Variants in ECPAS observed in about 807,000 individuals in gnomAD.
The protein encoded by ECPAS is proteasome adapter and scaffold protein ECM29.
A neutral mutation model predicts 255.1 loss-of-function variants in ECPAS; 70 were observed. The observed-to-expected ratio is 0.27, with a 90% CI of 0.23 to 0.33. The LOEUF is 0.33. Ranked by LOEUF, ECPAS falls within the 10% of genes least tolerant of loss-of-function variation. The pLI is 1.00. For synonymous variants in ECPAS, 784 were observed against 775.0 expected (o/e 1.01, Z -0.19); for missense variants, 1,817 against 2,206.4 (o/e 0.82, Z 3.54).
intron 10 of ECPAS, among the ~76,000 whole-genome samples, chr9:111,426,588 G>A (rs1219810397): frequency 6.6e-6 from 1 of 151,838 alleles, no homozygotes. Context: ...AAGCATGGTG[G>A]CTCACACCTA....
At chr9:111,362,570 T>C (rs1239553544) in intron 49 of ECPAS, among the ~76,000 whole-genome samples, 3 of 152,102 alleles carry the variant, frequency 2.0e-5, no homozygotes, top group African/African-American at 7.2e-5. Context: ...AAAAAACTTC[T>C]AAGAAATGTC....
intron 9 of ECPAS, among the ~76,000 whole-genome samples, chr9:111,429,341 T>C (rs2098226439): frequency 6.6e-6 from 1 of 152,104 alleles, no homozygotes; most frequent in South Asian, 2.1e-4. Context: ...TGATATGTGG[T>C]AGGAACCTAG....
intron 2 of ECPAS, 65 bp downstream of exon 2, chr9:111,472,832 C>T: frequency 2.3e-6 from 1 of 431,204 alleles, no homozygotes; most frequent in Non-Finnish European, 3.9e-6. Flanking sequence ...TACCTGATAA[C>T]CTATGCATTT....
intron 2 of ECPAS, 31 bp downstream of exon 2, chr9:111,472,866 G>GCA (rs1384144089): frequency 1.3e-6 from 1 of 794,644 alleles, no homozygotes; most frequent in African/African-American, 1.9e-5. Context: ...CAAAAAAAAT[G>GCA]CACACATCCT....
At chr9:111,397,590 A>G (rs2098169571) in intron 24 of ECPAS, among the ~76,000 whole-genome samples, 1 of 152,236 alleles carries the variant, frequency 6.6e-6, no homozygotes, top group Non-Finnish European at 1.5e-5. Flanking sequence ...CGTCATCCAC[A>G]GCATTAGGCT....
At chr9:111,387,371 G>C (rs1234327998) in intron 31 of ECPAS, among the ~76,000 whole-genome samples, 1 of 152,096 alleles carries the variant, frequency 6.6e-6, no homozygotes, top group Non-Finnish European at 1.5e-5. Flanking sequence ...TGCAGTTATT[G>C]AGGGACAGAG....
In ECPAS at chr9:111,447,832, C is replaced by T. The variant is rs566012188; in HGVS notation, c.154-3338G>A. ...TTTTTAAAGTTATAATAGAAAGATACATTTATAATAATAAATCAAGTGGAA... is the reference window on the plus strand; with the variant it reads ...TTTTTAAAGTTATAATAGAAAGATATATTTATAATAATAAATCAAGTGGAA... On this transcript the variant is annotated intron_variant, in intron 3 of 49. Transcript: ENST00000684092. Among the ~76,000 whole-genome samples the T allele has an allele frequency of 5.9e-5, 9 of 152,090 alleles. No homozygotes were observed. The South Asian group carries it at 1.7e-3, about 28-fold the overall frequency.
chr9:111,379,108 A>C (rs2098137249), intron 35 of ECPAS, among the ~76,000 whole-genome samples: 1 of 152,192 alleles, frequency 6.6e-6, no homozygotes, highest in African/African-American at 2.4e-5. Context: ...TGTTTCATTT[A>C]TACCTCCTCC....
At position 111,433,249 on chromosome 9, in the gene ECPAS, A is replaced by T. The variant is rs1237308255; in HGVS notation, c.832T>A (p.Leu278Met). 6.2e-7 allele frequency: 1 copy of T among 1,613,934 alleles called. No homozygotes were observed. The highest frequency in any genetic ancestry group is 1.7e-5 in the Admixed American group (1 of 60,028). ...AGTAGTTACCTCTGTTTGCTTTTCA[A>T]TTCCAGGTCTGCTGCCGTTGCCACA... ...HSVATAADLE[L>M]KSKQSLIDWN... Residue 278 changes from leucine (L) to methionine (M), a missense_variant, in exon 8 of 50, where the codon TTG becomes ATG. By Grantham distance (15) the Leu-to-Met change is conservative. Transcript: ENST00000684092.
Position 111,423,246 on chromosome 9 carries a change from G to A in ECPAS, c.1218C>T (p.Asp406=). ...AATATGCCATTGACAGTAGTTTAGG[G>A]TCCTTGAAATTAAAAAAAGAAAAGA... The part of the protein sequence containing the change: ...LTKLINEYKE[D]PKLLSMAYSA... The change falls in exon 13 of 50, where the codon GAC becomes GAT. Residue 406 remains aspartate, a splice_region_variant and synonymous_variant. Coordinates refer to ENST00000684092, the MANE Select transcript of ECPAS (RefSeq NM_001364929.1). 6.4e-7 allele frequency: 1 copy of A among 1,551,366 alleles called. No individual in the cohort carries two copies. The highest frequency in any genetic ancestry group is 1.2e-5 in the South Asian group (1 of 83,560).
intron 3 of ECPAS, 109 bp from the exon 4 acceptor site, chr9:111,444,603 T>C: frequency 1.4e-6 from 1 of 717,090 alleles, no homozygotes; most frequent in Non-Finnish European, 2.4e-6. Flanking sequence ...GTAGCTACTT[T>C]GTTCTTTTAA....
intron 1 of ECPAS, among the ~76,000 whole-genome samples, chr9:111,482,003 G>A (rs1031741724): frequency 6.6e-6 from 1 of 152,216 alleles, no homozygotes; most frequent in Non-Finnish European, 1.5e-5. Context: ...AAGACGAAGA[G>A]TTCTGGAAAT....
chr9:111,416,477 C>G, intron 17 of ECPAS, 125 bp from the exon 18 acceptor site: 1 of 684,274 alleles, frequency 1.5e-6, no homozygotes, highest in Non-Finnish European at 2.6e-6. Context: ...TCTGATCAAA[C>G]ATTTTCCACT....
intron 44 of ECPAS, 31 bp downstream of exon 44, chr9:111,370,688 TAAG>T: frequency 6.2e-7 from 1 of 1,606,122 alleles, no homozygotes; most frequent in Non-Finnish European, 8.5e-7. Context: ...GGGTCCAGTT[TAAG>T]AAATGGCATC....
chr9:111,418,248 A>G (rs1360198298), intron 16 of ECPAS, among the ~76,000 whole-genome samples: 1 of 152,208 alleles, frequency 6.6e-6, no homozygotes, highest in Non-Finnish European at 1.5e-5. Flanking sequence ...ACATTAAAAA[A>G]CAAGATAGGG....
At chr9:111,422,322 G>T in intron 13 of ECPAS, 122 bp from the exon 14 acceptor site, 1 of 958,566 alleles carries the variant, frequency 1.0e-6, no homozygotes, top group Non-Finnish European at 1.6e-6. Flanking sequence ...ATCATTACCC[G>T]CTCTGAGAGC....
chr9:111,448,179 TTC>T (rs2098255784), intron 3 of ECPAS, among the ~76,000 whole-genome samples: 1 of 152,186 alleles, frequency 6.6e-6, no homozygotes, highest in African/African-American at 2.4e-5. Context: ...ATAAAATTTT[TTC>T]TTAAAACTTT....
At chr9:111,406,017 G>C (rs1335853307) in intron 24 of ECPAS, among the ~76,000 whole-genome samples, 3 of 149,770 alleles carry the variant, frequency 2.0e-5, no homozygotes, top group African/African-American at 7.6e-5. Flanking sequence ...TATGTATCCT[G>C]AGTATATATC....
At chr9:111,427,786 T>C (rs974800218) in intron 10 of ECPAS, among the ~76,000 whole-genome samples, 1 of 152,238 alleles carries the variant, frequency 6.6e-6, no homozygotes, top group African/African-American at 2.4e-5. Context: ...TGGAGCATCA[T>C]GTCAGTACAA....
Sources: allele counts gnomAD v4.1 joint callset (sites outside exome capture counted in the v4.1 genomes callset), GRCh38; gene constraint gnomAD v4.1.1; transcripts MANE v1.5; gene names NCBI Gene and HGNC (gene_info 2026-07-23, HGNC 2026-07-21).